The following FAAH2 variants were observed in gnomAD, a reference collection of about 807,000 sequenced individuals.
FAAH2 encodes fatty acid amide hydrolase 2.
FAAH2 carries 60 observed loss-of-function variants against 36.9 expected under a neutral mutation model. That is an observed-to-expected ratio of 1.63 (90% CI 1.32 to 2.02). The LOEUF (loss-of-function observed/expected upper bound fraction) is 2.02, where lower values mean the gene tolerates loss of function less well. FAAH2 is among the 30% of genes most tolerant of loss of function. The pLI is 0.00. For missense variants in FAAH2, 689 were observed against 397.5 expected (o/e 1.73, Z -6.23); for synonymous variants, 214 against 143.8 (o/e 1.49, Z -3.49).
intron 5 of FAAH2, among the ~76,000 whole-genome samples, chrX:57,343,232 A>G (rs2053733863): frequency 8.9e-6 from 1 of 112,035 alleles, no homozygotes; most frequent in African/African-American, 3.2e-5. Flanking sequence ...TTACATTCTT[A>G]CCAACAGTAT....
At chrX:57,219,426 C>T in the FAAH2 span, among the ~76,000 whole-genome samples, 1 of 111,864 alleles carries the variant, frequency 8.9e-6, no homozygotes, top group African/African-American at 3.3e-5. Flanking sequence ...AAAGGAAGGT[C>T]CTCAGCCTCC....
intron 5 of FAAH2, among the ~76,000 whole-genome samples, chrX:57,374,540 A>T (rs1230839528): frequency 8.9e-6 from 1 of 111,784 alleles, no homozygotes; most frequent in Non-Finnish European, 1.9e-5. Flanking sequence ...AGAGCTGCTG[A>T]TTTGTGTACA....
At chrX:57,306,130 G>A (rs1006989607) in intron 2 of FAAH2, among the ~76,000 whole-genome samples, 1 of 111,789 alleles carries the variant, frequency 8.9e-6, no homozygotes, top group Non-Finnish European at 1.9e-5. Context: ...CAGAAAGTGG[G>A]TAACTTCAAC....
the FAAH2 span, among the ~76,000 whole-genome samples, chrX:57,178,831 G>A: frequency 8.9e-6 from 1 of 111,794 alleles, no homozygotes; most frequent in Non-Finnish European, 1.9e-5. Flanking sequence ...GTTCCAGGCA[G>A]CCTTCACTCA....
the FAAH2 span, among the ~76,000 whole-genome samples, chrX:57,275,613 A>G: frequency 2.7e-5 from 3 of 112,555 alleles, no homozygotes; most frequent in Non-Finnish European, 5.6e-5. Context: ...AGCCCCAATT[A>G]AAAGACAAAG....
the FAAH2 span, among the ~76,000 whole-genome samples, chrX:57,211,898 C>A: frequency 8.9e-6 from 1 of 111,996 alleles, no homozygotes; most frequent in African/African-American, 3.2e-5. Flanking sequence ...TAATTATAGA[C>A]ACATCCTCAG....
intron 7 of FAAH2, among the ~76,000 whole-genome samples, chrX:57,416,318 G>A (rs2055840743): frequency 9.0e-6 from 1 of 111,529 alleles, no homozygotes; most frequent in South Asian, 3.8e-4. Context: ...TTTCTTCATA[G>A]TATTGATGGT....
At chrX:57,230,457 T>G in the FAAH2 span, among the ~76,000 whole-genome samples, 1 of 111,915 alleles carries the variant, frequency 8.9e-6, no homozygotes, top group African/African-American at 3.2e-5. Flanking sequence ...AAAGTCTCAG[T>G]CTTTATCTCT....
intron 7 of FAAH2, among the ~76,000 whole-genome samples, chrX:57,428,441 C>T (rs1298790888): frequency 9.0e-6 from 1 of 111,575 alleles, no homozygotes; most frequent in Admixed American, 9.6e-5. Context: ...CAAAACAATC[C>T]TATGCAAAAG....
intron 7 of FAAH2, among the ~76,000 whole-genome samples, chrX:57,395,942 G>T (rs2055284829): frequency 9.0e-6 from 1 of 111,725 alleles, no homozygotes; most frequent in Non-Finnish European, 1.9e-5. Flanking sequence ...TTGTATGTCT[G>T]GTAAAATCCA....
chrX:57,405,342 T>A (rs1469609080), intron 7 of FAAH2, among the ~76,000 whole-genome samples: 1 of 111,032 alleles, frequency 9.0e-6, no homozygotes, highest in Non-Finnish European at 1.9e-5. Flanking sequence ...GCAGTGAGTG[T>A]TATAGCTCTA....
intron 8 of FAAH2, among the ~76,000 whole-genome samples, chrX:57,432,311 C>A (rs769157533): frequency 9.0e-6 from 1 of 111,075 alleles, no homozygotes; most frequent in South Asian, 3.8e-4. Context: ...GATTTGGAAA[C>A]CTTAACCAGG....
At chrX:57,315,544 C>A (rs951286481) in intron 3 of FAAH2, among the ~76,000 whole-genome samples, 1 of 111,512 alleles carries the variant, frequency 9.0e-6, no homozygotes. Flanking sequence ...AGCAACACAA[C>A]AAAAAGTTAA....
chrX:57,252,080 C>T, the FAAH2 span, among the ~76,000 whole-genome samples: 4 of 112,872 alleles, frequency 3.5e-5, no homozygotes, highest in African/African-American at 9.7e-5. Context: ...ACCTGCCTGG[C>T]TTGGTGGTTC....
intron 5 of FAAH2, among the ~76,000 whole-genome samples, chrX:57,373,374 C>T (rs771884657): frequency 2.0e-4 from 19 of 95,749 alleles, no homozygotes; most frequent in Admixed American, 7.3e-4. Flanking sequence ...TTTTTCAATG[C>T]ATCCATGCCA....
At chrX:57,301,396 G>A (rs1190865825) in intron 2 of FAAH2, among the ~76,000 whole-genome samples, 3 of 102,105 alleles carry the variant, frequency 2.9e-5, no homozygotes, top group Non-Finnish European at 5.9e-5. Context: ...CTCACTCATA[G>A]GTGGGAATTG....
the FAAH2 span, among the ~76,000 whole-genome samples, chrX:57,248,622 G>A: frequency 9.3e-6 from 1 of 107,893 alleles, no homozygotes; most frequent in East Asian, 2.9e-4. Flanking sequence ...GCTTGGTGGT[G>A]CATGCCTGTA....
intron 4 of FAAH2, among the ~76,000 whole-genome samples, chrX:57,334,999 C>T (rs952140669): frequency 9.0e-6 from 1 of 111,517 alleles, no homozygotes; most frequent in Non-Finnish European, 1.9e-5. Flanking sequence ...ATCAAGTGGA[C>T]CTAATAGATA....
chrX:57,141,522 A>C, the FAAH2 span, among the ~76,000 whole-genome samples: 1 of 111,560 alleles, frequency 9.0e-6, no homozygotes, highest in East Asian at 2.8e-4. Context: ...GTTCTTCCTT[A>C]AATTTTTGGT....
Sources: gnomAD v4.1 joint callset for allele counts (sites outside exome capture counted in the v4.1 genomes callset) on GRCh38, gnomAD v4.1.1 for gene constraint, MANE v1.5 for transcripts, NCBI Gene and HGNC (gene_info 2026-07-23, HGNC 2026-07-21) for gene names.